The following SCN9A variants were observed in gnomAD, a reference collection of about 807,000 sequenced individuals.
SCN9A encodes sodium voltage-gated channel alpha subunit 9, also known as sodium channel protein type 9 subunit alpha.
In SCN9A, 131 loss-of-function variants were observed where a neutral mutation model predicts 187.0. That is an observed-to-expected ratio of 0.70 (90% CI 0.61 to 0.81). The LOEUF (loss-of-function observed/expected upper bound fraction) is 0.81, where lower values mean the gene tolerates loss of function less well. Among genes scored for constraint, SCN9A ranks in the 30% least tolerant of loss-of-function variants. SCN9A has a pLI of 0.00. For synonymous variants in SCN9A, 809 were observed against 808.6 expected, an observed-to-expected ratio of 1.00 and a Z score of -0.01; for missense variants, 2,252 against 2,396.6, an observed-to-expected ratio of 0.94 and a Z score of 1.26.
intron 10 of SCN9A, among the ~76,000 whole-genome samples, chr2:166,287,462 A>G (rs1265537103): frequency 1.4e-4 from 22 of 151,980 alleles, no homozygotes; most frequent in Admixed American, 1.4e-3. Flanking sequence ...TTTCTTAGTT[A>G]TTTTCTAATT....
At chr2:166,226,727 C>G (rs572563450) in intron 23 of SCN9A, 23 bp from the exon 24 acceptor site, 1 of 1,524,442 alleles carries the variant, frequency 6.6e-7, no homozygotes, top group South Asian at 1.3e-5. Flanking sequence ...CAAAAGTTAG[C>G]ATTATATGGA....
At chr2:166,277,693 T>TA (rs1198959471) in intron 15 of SCN9A, 6 of 230,932 alleles carry the variant, frequency 2.6e-5, no homozygotes, top group African/African-American at 1.4e-4. Flanking sequence ...GACACTTAGA[T>TA]AAAATCTAGC....
intron 1 of SCN9A, among the ~76,000 whole-genome samples, chr2:166,374,145 T>A (rs1700629904): frequency 1.3e-5 from 2 of 152,204 alleles, no homozygotes; most frequent in African/African-American, 4.8e-5. Flanking sequence ...CAGACCTGAC[T>A]CATCTTTCTT....
At chr2:166,351,321 T>G (rs1301807107) in intron 1 of SCN9A, among the ~76,000 whole-genome samples, 1 of 152,188 alleles carries the variant, frequency 6.6e-6, no homozygotes, top group Non-Finnish European at 1.5e-5. Flanking sequence ...TGCATACAAC[T>G]TATCATGAAA....
intron 7 of SCN9A, among the ~76,000 whole-genome samples, chr2:166,295,849 T>A (rs1270219061): frequency 6.6e-6 from 1 of 152,216 alleles, no homozygotes; most frequent in East Asian, 1.9e-4. Flanking sequence ...TTGTGCTAAT[T>A]TTTAGTAGTA....
intron 17 of SCN9A, among the ~76,000 whole-genome samples, chr2:166,265,284 C>T (rs1324481287): frequency 6.6e-6 from 1 of 151,938 alleles, no homozygotes; most frequent in Admixed American, 6.6e-5. Flanking sequence ...CCTTTAGATT[C>T]CACATATGTG....
At chr2:166,327,720 C>CT (rs1432761250) in intron 1 of SCN9A, among the ~76,000 whole-genome samples, 1 of 152,078 alleles carries the variant, frequency 6.6e-6, no homozygotes, top group African/African-American at 2.4e-5. Flanking sequence ...ACTTTATAAT[C>CT]TTTTTATAAT....
chr2:166,329,092 A>C (rs538036504), intron 1 of SCN9A, among the ~76,000 whole-genome samples: 1 of 152,282 alleles, frequency 6.6e-6, no homozygotes, highest in Non-Finnish European at 1.5e-5. Flanking sequence ...AGCGATCTTA[A>C]GTGACCAGCC....
intron 19 of SCN9A, among the ~76,000 whole-genome samples, chr2:166,240,840 A>G (rs1184725520): frequency 6.6e-6 from 1 of 152,140 alleles, no homozygotes; most frequent in African/African-American, 2.4e-5. Flanking sequence ...GACATGAGGT[A>G]GGGTCTCTGG....
intron 24 of SCN9A, among the ~76,000 whole-genome samples, chr2:166,212,702 C>T (rs77729309): frequency 0.021 from 3,159 of 152,192 alleles, 121 homozygotes; most frequent in African/African-American, 0.073. Flanking sequence ...CAAGTGCGCA[C>T]AGAATATTCT....
chr2:166,249,128 T>C (rs1695924198), intron 18 of SCN9A, among the ~76,000 whole-genome samples: 1 of 152,106 alleles, frequency 6.6e-6, no homozygotes, highest in Non-Finnish European at 1.5e-5. Flanking sequence ...ACGGCCCCCT[T>C]CAATTTTCTT....
intron 5 of SCN9A, among the ~76,000 whole-genome samples, chr2:166,304,926 A>C (rs1698705163): frequency 6.6e-6 from 1 of 152,120 alleles, no homozygotes; most frequent in Non-Finnish European, 1.5e-5. Flanking sequence ...TTTGAATTGT[A>C]CCAATAGGAA....
Position 166,286,458 on chromosome 2 carries a change from T to G in SCN9A, c.1480A>C (p.Lys494Gln). The stretch of plus-strand genomic sequence containing the variant: ...TTCGACAATTTCTCAGCATCTCCCT[T>G]TTCCTCTCCACTGGAGAGCTTCTTT... ...NQKKLSSGEE[K>Q]GDAEKLSKSE... Residue 494 changes from lysine (K) to glutamine (Q), a missense_variant, in exon 11 of 27, where the codon AAG becomes CAG. By Grantham distance (53) the Lys-to-Gln change is moderately conservative (BLOSUM62 1). This residue lies in a region of SCN9A where 1,013 missense variants were observed against 997.4 expected (regional missense o/e 1.02). Coordinates refer to ENST00000642356, the MANE Select transcript of SCN9A (RefSeq NM_001365536.1). 2 of 1,613,970 alleles carry G rather than the reference T, an allele frequency of 1.2e-6. No homozygotes were observed. Among genetic ancestry groups the G allele is most frequent in the Non-Finnish European group, 1.7e-6 (2 of 1,179,858 alleles).
rs1574857355 is a variant in SCN9A, at chr2:166,280,567, T to G, written c.2133A>C (p.Pro711=). ...TGTGTGCAAATCTGTACCACCAAGG[T>G]GGACATTTTTGTCTGGACTCTTCAA... ...EELEESRQKC[P]PWWYRFAHKF... Residue 711 remains proline, a synonymous_variant, in exon 14 of 27, where the codon CCA becomes CCC. Coordinates refer to ENST00000642356, the MANE Select transcript of SCN9A (RefSeq NM_001365536.1). 1 of 1,584,160 alleles carries G rather than the reference T, an allele frequency of 6.3e-7. No individual in the cohort carries two copies. Among genetic ancestry groups the G allele is most frequent in the Non-Finnish European group, 8.6e-7 (1 of 1,162,920 alleles).
chr2:166,337,469 A>T (rs1371186512), intron 1 of SCN9A, among the ~76,000 whole-genome samples: 5 of 152,128 alleles, frequency 3.3e-5, no homozygotes, highest in African/African-American at 1.2e-4. Flanking sequence ...TATAAAGAGT[A>T]TTTTGACATT....
chr2:166,266,337 A>G (rs1235188946), intron 17 of SCN9A, among the ~76,000 whole-genome samples: 1 of 151,812 alleles, frequency 6.6e-6, no homozygotes, highest in East Asian at 1.9e-4. Context: ...TCTCTATTAT[A>G]GGTACTTGGA....
intron 2 of SCN9A, among the ~76,000 whole-genome samples, chr2:166,308,641 G>A (rs897945225): frequency 2.0e-5 from 3 of 152,020 alleles, no homozygotes; most frequent in Admixed American, 6.6e-5. Flanking sequence ...GGACTAATAC[G>A]GCCGGGCGTG....
At chr2:166,284,264 A>G (rs1697625077) in intron 12 of SCN9A, among the ~76,000 whole-genome samples, 189 bp downstream of exon 12, 2 of 152,212 alleles carry the variant, frequency 1.3e-5, no homozygotes, top group South Asian at 2.1e-4. Context: ...ATGGGATTTT[A>G]TCTTTGAGTT....
chr2:166,224,468 C>T (rs1399023809), intron 24 of SCN9A, among the ~76,000 whole-genome samples: 1 of 151,944 alleles, frequency 6.6e-6, no homozygotes, highest in Non-Finnish European at 1.5e-5. Flanking sequence ...AGCCAGTACC[C>T]AAAATTATTA....
Sources: allele counts gnomAD v4.1 joint callset (sites outside exome capture counted in the v4.1 genomes callset), GRCh38; gene constraint gnomAD v4.1.1; regional missense constraint gnomAD v4.1.1; transcripts MANE v1.5; gene names NCBI Gene and HGNC (gene_info 2026-07-23, HGNC 2026-07-21).